The following NEK1 variants were observed in gnomAD, a reference collection of about 807,000 sequenced individuals.
The protein encoded by NEK1 is serine/threonine-protein kinase Nek1.
A neutral mutation model predicts 182.1 loss-of-function variants in NEK1; 137 were observed. That is an observed-to-expected ratio of 0.75 (90% CI 0.65 to 0.87). The LOEUF is 0.87. Ranked by LOEUF, NEK1 falls within the 40% of genes least tolerant of loss-of-function variation. NEK1 has a pLI of 0.00. For synonymous variants in NEK1, 513 were observed against 492.2 expected, an observed-to-expected ratio of 1.04 and a Z score of -0.56; for missense variants, 1,391 against 1,494.4, an observed-to-expected ratio of 0.93 and a Z score of 1.14.
chr4:169,447,345 A>G (rs770111624), intron 27 of NEK1, among the ~76,000 whole-genome samples: 4 of 152,112 alleles, frequency 2.6e-5, no homozygotes, highest in Non-Finnish European at 5.9e-5. Flanking sequence ...AGAAATAAAG[A>G]CTACCAGACA....
At position 169,507,783 on chromosome 4, in the gene NEK1, T is replaced by G; in HGVS notation, c.1843A>C (p.Asn615His). 6.2e-7 allele frequency: 1 copy of G among 1,612,534 alleles called. No individual in the cohort carries two copies. The highest frequency in any genetic ancestry group is 1.1e-5 in the South Asian group (1 of 91,030). ...AKLRGEKKEA[N>H]HSEGQEGSEE... ...CTTCCTTCTTGTCCTTCAGAATGAT[T>G]AGCTTCTTTCTACAAAATAAGTAGA... The change falls in exon 22 of 36, where the codon AAT becomes CAT. Residue 615 changes from asparagine to histidine, a missense_variant. This residue lies in a region of NEK1 where 1,216 missense variants were observed against 1,277.6 expected (regional missense o/e 0.95). Transcript: ENST00000507142.
At chr4:169,512,971 G>A (rs1580365063) in intron 19 of NEK1, among the ~76,000 whole-genome samples, 1 of 152,028 alleles carries the variant, frequency 6.6e-6, no homozygotes, top group Non-Finnish European at 1.5e-5. Context: ...CTATCCCTTT[G>A]CCACTACTAT....
intron 27 of NEK1, among the ~76,000 whole-genome samples, chr4:169,451,460 T>A (rs925736673): frequency 6.6e-6 from 1 of 152,052 alleles, no homozygotes; most frequent in East Asian, 1.9e-4. Context: ...TGCAATCAAA[T>A]TAGAACTCAG....
At chr4:169,493,476 T>G (rs957237057) in intron 23 of NEK1, among the ~76,000 whole-genome samples, 1 of 152,090 alleles carries the variant, frequency 6.6e-6, no homozygotes, top group Non-Finnish European at 1.5e-5. Context: ...CATAAAGAAC[T>G]TGGAATATTG....
chr4:169,535,753 G>T (rs1311073958), intron 19 of NEK1, among the ~76,000 whole-genome samples: 1 of 151,306 alleles, frequency 6.6e-6, no homozygotes, highest in African/African-American at 2.4e-5. Context: ...GGTGACAGAC[G>T]CCTGGAATCC....
intron 12 of NEK1, among the ~76,000 whole-genome samples, chr4:169,563,894 T>C (rs1404438490): frequency 6.6e-6 from 1 of 152,218 alleles, no homozygotes; most frequent in Non-Finnish European, 1.5e-5. Flanking sequence ...TAACTGGTTT[T>C]CTACTGTTGA....
intron 11 of NEK1, 110 bp from the exon 12 acceptor site, chr4:169,577,189 T>G: frequency 9.7e-7 from 1 of 1,032,804 alleles, no homozygotes; most frequent in Non-Finnish European, 1.4e-6. Flanking sequence ...TGATAGTATT[T>G]TAAACTTTCT....
chr4:169,500,029 G>T (rs1752128438), intron 23 of NEK1, among the ~76,000 whole-genome samples: 1 of 152,186 alleles, frequency 6.6e-6, no homozygotes, highest in Non-Finnish European at 1.5e-5. Flanking sequence ...AGGCCTCCAT[G>T]AGCTGCGGTG....
intron 35 of NEK1, among the ~76,000 whole-genome samples, chr4:169,397,555 G>C (rs2110963274): frequency 6.6e-6 from 1 of 152,184 alleles, no homozygotes; most frequent in South Asian, 2.1e-4. Context: ...GCCAGGGTAG[G>C]CATCTTCAAT....
chr4:169,566,789 T>TA (rs1395868532), intron 12 of NEK1, among the ~76,000 whole-genome samples: 10 of 151,944 alleles, frequency 6.6e-5, no homozygotes, highest in Non-Finnish European at 1.0e-4. Flanking sequence ...AGAAGTCTTT[T>TA]AAAAAAATGA....
At chr4:169,607,712 C>A (rs1771612549) in intron 2 of NEK1, among the ~76,000 whole-genome samples, 1 of 152,118 alleles carries the variant, frequency 6.6e-6, no homozygotes, top group Non-Finnish European at 1.5e-5. Context: ...ATCCGCCCGC[C>A]TCAGCCTCCC....
chr4:169,419,030 C>T (rs1478752386), intron 31 of NEK1, among the ~76,000 whole-genome samples: 1 of 152,064 alleles, frequency 6.6e-6, no homozygotes, highest in African/African-American at 2.4e-5. Context: ...ATGAATTACT[C>T]ATGTTTGTGG....
chr4:169,479,338 T>C, intron 24 of NEK1, 65 bp downstream of exon 24: 2 of 1,507,300 alleles, frequency 1.3e-6, no homozygotes, highest in Non-Finnish European at 1.8e-6. Flanking sequence ...TGTGATTTCA[T>C]TAAATTTAAT....
chr4:169,512,025 C>T (rs1754274349), intron 19 of NEK1, among the ~76,000 whole-genome samples: 1 of 152,044 alleles, frequency 6.6e-6, no homozygotes, highest in African/African-American at 2.4e-5. Context: ...CATTAAAGGG[C>T]ATTTGGGTAG....
chr4:169,578,820 G>A (rs1280917188), intron 11 of NEK1, among the ~76,000 whole-genome samples: 3 of 151,992 alleles, frequency 2.0e-5, no homozygotes, highest in Admixed American at 6.6e-5. Context: ...TGGGATATAC[G>A]ACGTGATAGG....
intron 27 of NEK1, among the ~76,000 whole-genome samples, chr4:169,443,536 T>C (rs1289224037): frequency 2.6e-5 from 4 of 151,132 alleles, no homozygotes; most frequent in African/African-American, 9.7e-5. Context: ...ATAAGAGAAA[T>C]TGTAAAGTGC....
chr4:169,488,114 T>C (rs1406183476), intron 23 of NEK1, among the ~76,000 whole-genome samples: 1 of 152,202 alleles, frequency 6.6e-6, no homozygotes, highest in Non-Finnish European at 1.5e-5. Flanking sequence ...TTTCTCCCAT[T>C]CTGTAGGTTG....
chr4:169,479,597 G>A, intron 23 of NEK1, 63 bp from the exon 24 acceptor site: 1 of 1,315,518 alleles, frequency 7.6e-7, no homozygotes, highest in Non-Finnish European at 1.1e-6. Context: ...AAATAAAATG[G>A]TACCTACCAG....
At chr4:169,444,341 A>T (rs7694449) in intron 27 of NEK1, among the ~76,000 whole-genome samples, 29,240 of 151,376 alleles carry the variant, frequency 0.19, 4,276 homozygotes, top group African/African-American at 0.41. Flanking sequence ...CTGAATGGTT[A>T]AAAAAAAATG....
Sources: gnomAD v4.1 joint callset for allele counts (sites outside exome capture counted in the v4.1 genomes callset) on GRCh38, gnomAD v4.1.1 for gene constraint, gnomAD v4.1.1 regional missense constraint, MANE v1.5 for transcripts, NCBI Gene and HGNC (gene_info 2026-07-23, HGNC 2026-07-21) for gene names.